Variants in CHMP2B observed in about 807,000 individuals in gnomAD.
CHMP2B encodes the protein VPS2 homolog B.
A neutral mutation model predicts 29.8 loss-of-function variants in CHMP2B; 22 were observed. The observed-to-expected ratio is 0.74, with a 90% confidence interval of 0.53 to 1.05. CHMP2B has a LOEUF of 1.05. Among genes scored for constraint, CHMP2B ranks in the 50% least tolerant of loss-of-function variants. The pLI, the probability that CHMP2B is intolerant of heterozygous loss-of-function variation, is 0.00. For synonymous variants in CHMP2B, 78 were observed against 75.8 expected (o/e 1.03, Z -0.15); for missense variants, 261 against 252.2 (o/e 1.03, Z -0.24).
intron 4 of CHMP2B, among the ~76,000 whole-genome samples, chr3:87,252,179 T>G (rs1049156503): frequency 2.0e-5 from 3 of 151,900 alleles, no homozygotes; most frequent in Non-Finnish European, 4.4e-5. Context: ...ACTATAGCAG[T>G]CCTAAACCAG....
Position 87,255,348 on chromosome 3 carries a change from A to G in CHMP2B, c.*1526A>G, listed in dbSNP as rs917427461. 17 of 152,572 alleles carry G rather than the reference A, an allele frequency of 1.1e-4. No individual in the cohort carries two copies. The highest frequency in any genetic ancestry group is 3.6e-4 in the African/African-American group (15 of 41,556). The allele number at this position is 152,572 out of a possible 1,614,324, so 9.5% of individuals were successfully genotyped here. ...GTGAAAACATTTTACCGGATTATGG[A>G]ATGTTTACCAGAACATGTTTTGATT... is the stretch of plus-strand genomic sequence containing the variant. On this transcript the variant is annotated 3_prime_UTR_variant, in exon 6 of 6. Transcript: ENST00000263780.
chr3:87,237,107 C>T lies in CHMP2B; in HGVS notation c.35-3592C>T, dbSNP rs142004019. On this transcript the variant is annotated intron_variant, in intron 1 of 5. Transcript: ENST00000263780. ...AGGATCGAGTGTGTTTGGGTGTTGG[C>T]GGATGAAGAGGTTCATGATTCCTTT... 2.6e-3 allele frequency among the ~76,000 whole-genome samples: 396 copies of T among 152,094 alleles called. 1 individual carries two copies. The highest frequency in any genetic ancestry group is 4.5e-3 in the Non-Finnish European group (303 of 67,994).
intron 1 of CHMP2B, 39 bp from the exon 2 acceptor site, chr3:87,240,660 A>T: frequency 1.5e-6 from 2 of 1,360,606 alleles, no homozygotes; most frequent in Non-Finnish European, 2.1e-6. Context: ...TGAAAATTTT[A>T]CAACCCATAA....
chr3:87,240,850 A>G (rs1225027423), intron 2 of CHMP2B, 60 bp downstream of exon 2: 3 of 1,248,172 alleles, frequency 2.4e-6, no homozygotes, highest in Non-Finnish European at 3.5e-6. Context: ...TTACTGTAGG[A>G]ATAATTAGCT....
In CHMP2B at chr3:87,230,575, G is replaced by A. The variant is rs568302262; in HGVS notation, c.34+3019G>A. Among the ~76,000 whole-genome samples the A allele has an allele frequency of 2.6e-5, 4 of 152,222 alleles. No individual in the cohort carries two copies. The South Asian group carries it at 6.2e-4, about 24-fold the overall frequency. ...CTTTCTGGAACCAGACTTTTCTTTCGGAATTAGTGGTAGAACTTTACTTTC... is the reference window on the plus strand; with the variant it reads ...CTTTCTGGAACCAGACTTTTCTTTCAGAATTAGTGGTAGAACTTTACTTTC... On this transcript the variant is annotated intron_variant, in intron 1 of 5. Coordinates refer to ENST00000263780, the MANE Select transcript of CHMP2B (RefSeq NM_014043.4).
rs540119191 is a variant in CHMP2B, at chr3:87,244,165, G to T, written c.127-1549G>T. Among the ~76,000 whole-genome samples, 115 of 151,052 alleles carry T rather than the reference G, an allele frequency of 7.6e-4. 1 individual carries two copies. The highest frequency in any genetic ancestry group is 1.3e-3 in the Admixed American group (20 of 15,180). ...GGGTTCAAGCGATTCTTCTGCCTCAGCCTCCCAAGTAGCTGGGACTACAGG... is the reference window on the plus strand; with the variant it reads ...GGGTTCAAGCGATTCTTCTGCCTCATCCTCCCAAGTAGCTGGGACTACAGG... On this transcript the variant is annotated intron_variant, in intron 2 of 5. Coordinates refer to ENST00000263780, the MANE Select transcript of CHMP2B (RefSeq NM_014043.4).
Position 87,253,709 on chromosome 3 carries a change from T to C in CHMP2B, c.532-3T>C, listed in dbSNP as rs375829451. The C allele has an allele frequency of 1.2e-5, 19 of 1,610,692 alleles. No homozygotes were observed. In the African/African-American group the frequency reaches 1.9e-4, roughly 16 times the overall value. ...CGTTTGTCTTTTTCATTGTTTAATA[T>C]AGATGGCCAAAGCTCCATCAGCTGC... On this transcript the variant is annotated splice_region_variant and splice_polypyrimidine_tract_variant and intron_variant, in intron 5 of 5. Coordinates refer to ENST00000263780, the MANE Select transcript of CHMP2B (RefSeq NM_014043.4).
At chr3:87,251,383 G>C (rs902609814) in intron 4 of CHMP2B, among the ~76,000 whole-genome samples, 3 of 151,934 alleles carry the variant, frequency 2.0e-5, no homozygotes, top group African/African-American at 4.8e-5. Context: ...TCCAATGCCA[G>C]TGATGGCAGT....
chr3:87,240,762 C>T lies in CHMP2B; in HGVS notation c.98C>T (p.Ala33Val). Reference protein sequence around the residue: ...GTQRAIIRDRAALEKQEKQLE... With the variant: ...GTQRAIIRDRVALEKQEKQLE... ...CAGAGGGCTATAATCAGAGATCGAG[C>T]AGCTTTAGAGAAACAAGAAAAACAG... Residue 33 changes from alanine to valine, a missense_variant, in exon 2 of 6, where the codon GCA becomes GTA. By Grantham distance (64) the Ala-to-Val change is moderately conservative. Transcript: ENST00000263780. 8 of 1,613,330 alleles carry T rather than the reference C, an allele frequency of 5.0e-6. No homozygotes were observed. Among genetic ancestry groups the T allele is most frequent in the Middle Eastern group, 1.7e-4 (1 of 6,058 alleles).
At position 87,227,522 on chromosome 3, in the gene CHMP2B, C is replaced by T. The variant is rs1705832001; in HGVS notation, c.-1C>T. The T allele has an allele frequency of 1.1e-5, 18 of 1,614,180 alleles. No homozygotes were observed. The highest frequency in any genetic ancestry group is 1.4e-5 in the Non-Finnish European group (17 of 1,180,032). On this transcript the variant is annotated 5_prime_UTR_variant, in exon 1 of 6. Coordinates refer to ENST00000263780, the MANE Select transcript of CHMP2B (RefSeq NM_014043.4). ...GGGCCGCCCGGGCGCAGTCTTTAAC[C>T]ATGGCGTCCCTCTTCAAGAAGAAAA...
chr3:87,240,902 T>G (rs1706106392), intron 2 of CHMP2B, 112 bp downstream of exon 2: 1 of 782,500 alleles, frequency 1.3e-6, no homozygotes, highest in Non-Finnish European at 2.3e-6. Context: ...GTGATTTACT[T>G]AATTAAGAAA....
At chr3:87,247,380 T>C (rs953066817) in intron 3 of CHMP2B, among the ~76,000 whole-genome samples, 1 of 152,220 alleles carries the variant, frequency 6.6e-6, no homozygotes, top group South Asian at 2.1e-4. Context: ...ATCATGTCCT[T>C]CTTTCACTTA....
At chr3:87,247,512 A>G (rs1706236714) in intron 3 of CHMP2B, among the ~76,000 whole-genome samples, 1 of 152,204 alleles carries the variant, frequency 6.6e-6, no homozygotes, top group Non-Finnish European at 1.5e-5. Context: ...AGGACACTTA[A>G]TTTGCAGTAA....
chr3:87,227,464 C>CT lies in CHMP2B; in HGVS notation c.-56dup, dbSNP rs1164663056. The CT allele has an allele frequency of 5.0e-6, 8 of 1,607,068 alleles. No homozygotes were observed. The highest frequency in any genetic ancestry group is 6.8e-6 in the Non-Finnish European group (8 of 1,173,776). On this transcript the variant is annotated 5_prime_UTR_variant, in exon 1 of 6. Coordinates refer to ENST00000263780, the MANE Select transcript of CHMP2B (RefSeq NM_014043.4). ...AAGGTCCTGTCCTTTTCCTCCTGTCCTTTGCCAGCGTTGGGCCGGACCGGG... is the reference window on the plus strand; with the variant it reads ...AAGGTCCTGTCCTTTTCCTCCTGTCCTTTTGCCAGCGTTGGGCCGGACCGGG...
chr3:87,230,785 A>C (rs925209912), intron 1 of CHMP2B, among the ~76,000 whole-genome samples: 1 of 152,180 alleles, frequency 6.6e-6, no homozygotes, highest in Admixed American at 6.5e-5. Flanking sequence ...CTTGCATGGC[A>C]TGCAATGAGA....
intron 2 of CHMP2B, 25 bp downstream of exon 2, chr3:87,240,815 T>C: frequency 6.3e-7 from 1 of 1,577,954 alleles, no homozygotes; most frequent in Non-Finnish European, 8.7e-7. Context: ...AAATTTCAGT[T>C]TAACTTTTCA....
At chr3:87,230,737 A>G (rs1398323714) in intron 1 of CHMP2B, among the ~76,000 whole-genome samples, 2 of 152,142 alleles carry the variant, frequency 1.3e-5, no homozygotes, top group Non-Finnish European at 1.5e-5. Flanking sequence ...CCACTTCTTT[A>G]CTTAACAGAC....
intron 1 of CHMP2B, among the ~76,000 whole-genome samples, chr3:87,239,144 A>C (rs1358201746): frequency 3.3e-5 from 5 of 152,064 alleles, no homozygotes; most frequent in Non-Finnish European, 7.4e-5. Context: ...CTTGAGTTAT[A>C]AGAATTTTTT....
intron 1 of CHMP2B, among the ~76,000 whole-genome samples, chr3:87,231,911 T>C (rs1176322535): frequency 2.0e-5 from 3 of 152,200 alleles, no homozygotes; most frequent in Admixed American, 2.0e-4. Flanking sequence ...TAGACCCTCC[T>C]GCACTTTCAA....
Sources: allele counts gnomAD v4.1 joint callset (sites outside exome capture counted in the v4.1 genomes callset), GRCh38; gene constraint gnomAD v4.1.1; transcripts MANE v1.5; gene names NCBI Gene and HGNC (gene_info 2026-07-23, HGNC 2026-07-21).